Variants in UST observed in about 807,000 individuals in gnomAD.
UST encodes chondroitin sulfate 2-O-sulfotransferase.
Under a neutral mutation model 45.6 loss-of-function variants are expected in UST, and 21 were observed. That is an observed-to-expected ratio of 0.46 (90% CI 0.33 to 0.66). The LOEUF (loss-of-function observed/expected upper bound fraction) is 0.66, where lower values mean the gene tolerates loss of function less well. UST is among the 30% of genes least tolerant of loss of function. The probability of loss-of-function intolerance (pLI) is 0.02; values close to 1 mark genes in which losing one functional copy is unlikely to be tolerated. For synonymous variants in UST, 215 were observed against 200.6 expected (o/e 1.07, Z -0.61); for missense variants, 463 against 512.4 (o/e 0.90, Z 0.93).
chr6:149,037,078 G>GC (rs934261483), intron 7 of UST, among the ~76,000 whole-genome samples: 1 of 152,118 alleles, frequency 6.6e-6, no homozygotes, highest in Non-Finnish European at 1.5e-5. Flanking sequence ...TGCACAGATG[G>GC]CGGCACAGGC....
At chr6:148,836,321 C>T (rs532950308) in intron 1 of UST, among the ~76,000 whole-genome samples, 5 of 152,290 alleles carry the variant, frequency 3.3e-5, no homozygotes, top group Non-Finnish European at 7.4e-5. Flanking sequence ...GGCAGCGTTT[C>T]ATCATTTTTT....
chr6:148,972,366 C>T (rs1216299679), intron 5 of UST, among the ~76,000 whole-genome samples: 1 of 152,166 alleles, frequency 6.6e-6, no homozygotes, highest in Non-Finnish European at 1.5e-5. Flanking sequence ...GGGGACTGTT[C>T]CAAGTGAAGT....
chr6:148,789,449 T>A (rs1180136495), intron 1 of UST, among the ~76,000 whole-genome samples: 46 of 129,098 alleles, frequency 3.6e-4, no homozygotes, highest in Middle Eastern at 7.6e-3. Context: ...TCTCTCTCTC[T>A]CTCTCACACA....
Position 148,773,160 on chromosome 6 carries a change from T to C in UST, c.247+25483T>C, listed in dbSNP as rs1238411993. 3.3e-5 allele frequency among the ~76,000 whole-genome samples: 5 copies of C among 152,178 alleles called. No homozygotes were observed. The South Asian group carries it at 1.0e-3, about 32-fold the overall frequency. ...TAATTTTACCTAAATTTATATGAAT[T>C]TTAAAATGGTGATTGTTGGCCAGGT... is the stretch of plus-strand genomic sequence containing the variant. On this transcript the variant is annotated intron_variant, in intron 1 of 7. Coordinates refer to ENST00000367463, the MANE Select transcript of UST (RefSeq NM_005715.3).
intron 2 of UST, among the ~76,000 whole-genome samples, chr6:148,922,895 C>G (rs1420180366): frequency 6.6e-6 from 1 of 152,182 alleles, no homozygotes; most frequent in African/African-American, 2.4e-5. Context: ...CAGGTTCAAG[C>G]AGTTCTCATG....
chr6:148,805,217 C>T lies in UST; in HGVS notation c.247+57540C>T, dbSNP rs1777125197. ...ATTTGAAGGATATTCTTCAGTATCC[C>T]CAAGTCATTATGCAATTTGGTTGTT... On this transcript the variant is annotated intron_variant, in intron 1 of 7. Transcript: ENST00000367463. Among the ~76,000 whole-genome samples, 3 of 152,014 alleles carry T rather than the reference C, an allele frequency of 2.0e-5. No individual in the cohort carries two copies. In the South Asian group the frequency reaches 6.2e-4, roughly 32 times the overall value.
At chr6:148,901,103 CAT>C (rs778877878) in intron 2 of UST, among the ~76,000 whole-genome samples, 1 of 152,194 alleles carries the variant, frequency 6.6e-6, no homozygotes, top group Non-Finnish European at 1.5e-5. Context: ...TGTAGGGTAA[CAT>C]ATTCACAGAA....
At chr6:148,918,295 T>G (rs1366316011) in intron 2 of UST, among the ~76,000 whole-genome samples, 6 of 152,218 alleles carry the variant, frequency 3.9e-5, no homozygotes, top group African/African-American at 1.4e-4. Flanking sequence ...AAAGACTTGT[T>G]TGAGAGTGTA....
intron 5 of UST, among the ~76,000 whole-genome samples, chr6:148,974,223 ATCTT>A (rs1003594616): frequency 2.0e-5 from 3 of 152,184 alleles, no homozygotes; most frequent in Non-Finnish European, 4.4e-5. Flanking sequence ...CATGCTAAGT[ATCTT>A]GGAGCTTCAG....
At chr6:148,910,346 G>C (rs1182253630) in intron 2 of UST, among the ~76,000 whole-genome samples, 2 of 152,022 alleles carry the variant, frequency 1.3e-5, no homozygotes, top group Admixed American at 1.3e-4. Flanking sequence ...CTCCATGTTG[G>C]TCAGGCTGGT....
chr6:148,843,931 G>A lies in UST; in HGVS notation c.248-43055G>A, dbSNP rs1270419441. Among the ~76,000 whole-genome samples, 6 of 152,180 alleles carry A rather than the reference G, an allele frequency of 3.9e-5. No homozygotes were observed. The South Asian group carries it at 6.2e-4, about 16-fold the overall frequency. The stretch of plus-strand genomic sequence containing the variant: ...TGCTGAATTAATTCATTTCAGATAC[G>A]TTGAGCCCCGTGAAAGCTGCTTAAT... On this transcript the variant is annotated intron_variant, in intron 1 of 7. Transcript: ENST00000367463.
rs768941288 is a variant in UST at position 149,073,972 on chromosome 6, G to C, written c.1077G>C (p.Lys359Asn). The stretch of plus-strand genomic sequence containing the variant: ...TCAAAGAGCAGTTCCACCTGCTGAA[G>C]CGCAAGTTTGGACTTAAGTCTCACG... Reference protein sequence around the residue: ...HYVKEQFHLLKRKFGLKSHVS... With the variant: ...HYVKEQFHLLNRKFGLKSHVS... The change falls in exon 8 of 8, where the codon AAG becomes AAC. Residue 359 changes from lysine to asparagine, a missense_variant. By Grantham distance (94) the Lys-to-Asn change is moderately conservative. This residue lies in a region of UST where 287 missense variants were observed against 374.2 expected (regional missense o/e 0.77). Transcript: ENST00000367463. 6.2e-7 allele frequency: 1 copy of C among 1,614,178 alleles called. No homozygotes were observed. Among genetic ancestry groups the C allele is most frequent in the East Asian group, 2.2e-5 (1 of 44,886 alleles).
intron 7 of UST, among the ~76,000 whole-genome samples, chr6:149,060,587 C>T (rs115732224): frequency 0.016 from 2,371 of 152,274 alleles, 63 homozygotes; most frequent in African/African-American, 0.054. Context: ...GAGCGGCCAG[C>T]GTGGTGCAGG....
chr6:149,029,253 C>T lies in UST; in HGVS notation c.937+7772C>T, dbSNP rs549720493. On this transcript the variant is annotated intron_variant, in intron 7 of 7. Coordinates refer to ENST00000367463, the MANE Select transcript of UST (RefSeq NM_005715.3). The stretch of plus-strand genomic sequence containing the variant: ...GGGGAAGAGGGTGGAGTTTTGCAAT[C>T]AAATAAGTTTATGTGAGTTAAAAGT... Among the ~76,000 whole-genome samples the T allele has an allele frequency of 4.0e-5, 6 of 150,152 alleles. No homozygotes were observed. The East Asian group carries it at 1.2e-3, about 29-fold the overall frequency.
At chr6:148,786,695 A>T (rs1776741103) in intron 1 of UST, among the ~76,000 whole-genome samples, 2 of 152,196 alleles carry the variant, frequency 1.3e-5, no homozygotes, top group African/African-American at 4.8e-5. Context: ...GCTGCAATGA[A>T]CATATGCGTG....
intron 7 of UST, among the ~76,000 whole-genome samples, chr6:149,056,117 C>CTTTTTTTTTT (rs34191810): frequency 5.8e-3 from 470 of 81,044 alleles, no homozygotes; most frequent in Non-Finnish European, 7.5e-3. Flanking sequence ...CTTTTCTTTT[C>CTTTTTTTTTT]TTTTTTTTTT....
In UST at chr6:149,008,583, A is replaced by G. The variant is rs544672212; in HGVS notation, c.682-10556A>G. Among the ~76,000 whole-genome samples, 9 of 152,340 alleles carry G rather than the reference A, an allele frequency of 5.9e-5. No homozygotes were observed. The South Asian group carries it at 1.9e-3, about 32-fold the overall frequency. On this transcript the variant is annotated intron_variant, in intron 5 of 7. Transcript: ENST00000367463. ...GGCATACAATGTTGGTAACTGATAA[A>G]GTTGGGCCAGGAAGCCACAGTCTAG...
chr6:148,934,687 C>T lies in UST; in HGVS notation c.292-6592C>T, dbSNP rs913593646. ...AGAAGGCTTCAAGGACCCACTCAGCCACTTAATACAGAAAGCTGGGAGTCC... is the reference window on the plus strand; with the variant it reads ...AGAAGGCTTCAAGGACCCACTCAGCTACTTAATACAGAAAGCTGGGAGTCC... On this transcript the variant is annotated intron_variant, in intron 2 of 7. Coordinates refer to ENST00000367463, the MANE Select transcript of UST (RefSeq NM_005715.3). This position sits in a 1 kb window ranked among gnomAD's most constrained non-coding sequence, Gnocchi z 4.1. Among the ~76,000 whole-genome samples the T allele has an allele frequency of 6.6e-6, 1 of 152,148 alleles. No individual in the cohort carries two copies. The highest frequency in any genetic ancestry group is 6.5e-5 in the Admixed American group (1 of 15,276).
At chr6:148,900,502 C>T (rs528726387) in intron 2 of UST, among the ~76,000 whole-genome samples, 2 of 152,332 alleles carry the variant, frequency 1.3e-5, no homozygotes, top group African/African-American at 2.4e-5. Flanking sequence ...ACTCTCTTCT[C>T]TTGTCTGCCA....
Sources: gnomAD v4.1 joint callset for allele counts (sites outside exome capture counted in the v4.1 genomes callset) on GRCh38, gnomAD v4.1.1 for gene constraint, gnomAD v4.1.1 regional missense constraint, Gnocchi (gnomAD v3.1) non-coding constraint, MANE v1.5 for transcripts, NCBI Gene and HGNC (gene_info 2026-07-23, HGNC 2026-07-21) for gene names.